TDRP: variants seen among roughly 807,000 people sequenced by gnomAD.
TDRP encodes the protein testis development related protein.
TDRP carries 12 observed loss-of-function variants against 10.5 expected under a neutral mutation model. The ratio of observed to expected loss-of-function variants is 1.15; its 90% CI spans 0.73 to 1.86. The LOEUF (loss-of-function observed/expected upper bound fraction) is 1.86, where lower values mean the gene tolerates loss of function less well. TDRP is among the 40% of genes most tolerant of loss of function. The pLI is 0.00. For synonymous variants in TDRP, 139 were observed against 95.4 expected (o/e 1.46, Z -2.67); for missense variants, 353 against 229.2 (o/e 1.54, Z -3.49).
intron 1 of TDRP, among the ~76,000 whole-genome samples, chr8:517,233 A>G (rs1188566522): frequency 6.6e-6 from 1 of 152,192 alleles, no homozygotes; most frequent in African/African-American, 2.4e-5. Context: ...ACATGACAGC[A>G]GGCCCTAAAG....
intron 1 of TDRP, among the ~76,000 whole-genome samples, chr8:532,866 G>T (rs573032507): frequency 6.6e-6 from 1 of 151,668 alleles, no homozygotes; most frequent in Non-Finnish European, 1.5e-5. Flanking sequence ...AGTTGCCTAC[G>T]GCTGCTTTCA....
intron 1 of TDRP, among the ~76,000 whole-genome samples, chr8:513,330 G>A (rs892490334): frequency 6.6e-6 from 1 of 151,860 alleles, no homozygotes; most frequent in Non-Finnish European, 1.5e-5. Flanking sequence ...TAATCAAGTG[G>A]GATTTATCTC....
At chr8:543,805 T>C (rs1368562680) in intron 1 of TDRP, among the ~76,000 whole-genome samples, 2 of 151,992 alleles carry the variant, frequency 1.3e-5, no homozygotes, top group African/African-American at 4.8e-5. Context: ...CATTCGGCCT[T>C]AACAGCATCA....
intron 1 of TDRP, among the ~76,000 whole-genome samples, chr8:518,131 G>A (rs1801805131): frequency 1.3e-5 from 2 of 152,154 alleles, no homozygotes; most frequent in African/African-American, 4.8e-5. Flanking sequence ...TAACAATGAT[G>A]CATCAATGTA....
chr8:497,673 T>C (rs1179910429), intron 1 of TDRP, among the ~76,000 whole-genome samples: 1 of 152,122 alleles, frequency 6.6e-6, no homozygotes. Flanking sequence ...GAAGAGCCAA[T>C]GTTAATTGTC....
intron 1 of TDRP, among the ~76,000 whole-genome samples, chr8:502,789 T>A (rs540055637): frequency 8.4e-6 from 1 of 118,700 alleles, no homozygotes; most frequent in Non-Finnish European, 1.8e-5. Flanking sequence ...TCCAGAGCCA[T>A]ACACTGGAAC....
intron 1 of TDRP, among the ~76,000 whole-genome samples, chr8:503,417 C>T (rs1801361056): frequency 6.6e-6 from 1 of 151,904 alleles, no homozygotes; most frequent in Non-Finnish European, 1.5e-5. Context: ...AACACGGAAT[C>T]CACAGCCACG....
At chr8:537,863 C>A (rs1802387398) in intron 1 of TDRP, among the ~76,000 whole-genome samples, 1 of 152,164 alleles carries the variant, frequency 6.6e-6, no homozygotes, top group Non-Finnish European at 1.5e-5. Context: ...ATGGGTTTTA[C>A]CTACTTGGTT....
chr8:505,886 C>T lies in TDRP; in HGVS notation c.109-11289G>A, dbSNP rs193104581. Among the ~76,000 whole-genome samples the T allele has an allele frequency of 4.6e-5, 7 of 152,336 alleles. No homozygotes were observed. The East Asian group carries it at 1.3e-3, about 29-fold the overall frequency. ...TAGGCAGACACACAAACCCTCAAAT[C>T]ACACCCAAAGTCGGCACGTAGATAT... On this transcript the variant is annotated intron_variant, in intron 1 of 2. Transcript: ENST00000324079.
At chr8:495,438 G>A (rs1240295592) in intron 1 of TDRP, among the ~76,000 whole-genome samples, 1 of 151,152 alleles carries the variant, frequency 6.6e-6, no homozygotes, top group South Asian at 2.1e-4. Flanking sequence ...AAATAATTTT[G>A]TTGACTGTAA....
intron 1 of TDRP, among the ~76,000 whole-genome samples, chr8:536,016 C>T (rs1802340855): frequency 6.6e-6 from 1 of 152,172 alleles, no homozygotes; most frequent in African/African-American, 2.4e-5. Context: ...AGTCATGCCA[C>T]CTTAAGCCCT....
rs1177324202 is a variant in TDRP at position 522,664 on chromosome 8, T to A, written c.108+21986A>T. On this transcript the variant is annotated intron_variant, in intron 1 of 2. Transcript: ENST00000324079. Reference sequence around the variant, plus strand: ...CTTAAAAGGTAGCTTGACTCTTTGTTTGGGGCTCAGTCCTTTGGATGTTAA... The same window carrying A: ...CTTAAAAGGTAGCTTGACTCTTTGTATGGGGCTCAGTCCTTTGGATGTTAA... Among the ~76,000 whole-genome samples the A allele has an allele frequency of 1.3e-5, 2 of 152,220 alleles. 1 individual carries two copies. The highest frequency in any genetic ancestry group is 2.9e-5 in the Non-Finnish European group (2 of 68,018).
intron 1 of TDRP, among the ~76,000 whole-genome samples, chr8:502,857 G>A (rs955620497): frequency 1.1e-4 from 17 of 151,754 alleles, no homozygotes; most frequent in Admixed American, 5.9e-4. Flanking sequence ...CAGAACCAAT[G>A]CCCACCTCAG....
intron 1 of TDRP, among the ~76,000 whole-genome samples, chr8:515,106 A>C (rs1801723106): frequency 6.6e-6 from 1 of 152,170 alleles, no homozygotes. Context: ...ATCCACACAG[A>C]GCCTCCTTGG....
At chr8:527,776 A>C (rs1374820015) in intron 1 of TDRP, among the ~76,000 whole-genome samples, 1 of 152,230 alleles carries the variant, frequency 6.6e-6, no homozygotes, top group Non-Finnish European at 1.5e-5. Flanking sequence ...AATGGATTAA[A>C]GACTTAAATC....
At chr8:507,734 A>T (rs890236603) in intron 1 of TDRP, among the ~76,000 whole-genome samples, 1 of 152,188 alleles carries the variant, frequency 6.6e-6, no homozygotes, top group South Asian at 2.1e-4. Context: ...CAACAGCAAC[A>T]ATGGGAAAGG....
At chr8:509,679 G>C (rs1391468000) in intron 1 of TDRP, among the ~76,000 whole-genome samples, 1 of 152,158 alleles carries the variant, frequency 6.6e-6, no homozygotes, top group South Asian at 2.1e-4. Context: ...AAAGGTCTCT[G>C]ACATGCCCTG....
intron 1 of TDRP, among the ~76,000 whole-genome samples, chr8:538,195 T>A (rs1011661960): frequency 6.6e-6 from 1 of 152,102 alleles, no homozygotes; most frequent in African/African-American, 2.4e-5. Flanking sequence ...GGATGGGAAG[T>A]GACCAAGAGA....
At chr8:514,326 A>C (rs1333370943) in intron 1 of TDRP, among the ~76,000 whole-genome samples, 1 of 152,228 alleles carries the variant, frequency 6.6e-6, no homozygotes, top group East Asian at 1.9e-4. Flanking sequence ...ATTGATTTTC[A>C]AGAAGAGTGC....
Sources: allele counts gnomAD v4.1 joint callset (sites outside exome capture counted in the v4.1 genomes callset), GRCh38; gene constraint gnomAD v4.1.1; transcripts MANE v1.5; gene names NCBI Gene and HGNC (gene_info 2026-07-23, HGNC 2026-07-21).